The following ADAM12 variants were observed in gnomAD, a reference collection of about 807,000 sequenced individuals.
The protein encoded by ADAM12 is ADAM metallopeptidase domain 12, also known as disintegrin and metalloproteinase domain-containing protein 12.
In ADAM12, 70 loss-of-function variants were observed where a neutral mutation model predicts 106.4. That is an observed-to-expected ratio of 0.66 (90% CI 0.54 to 0.80). ADAM12 has a LOEUF of 0.80. ADAM12 is among the 30% of genes least tolerant of loss of function. The pLI, the probability that ADAM12 is intolerant of heterozygous loss-of-function variation, is 0.00. For missense variants in ADAM12, 1,010 were observed against 1,171.9 expected (o/e 0.86, Z 2.02); for synonymous variants, 420 against 433.5 (o/e 0.97, Z 0.39).
chr10:126,081,558 G>T (rs1278340), intron 11 of ADAM12, among the ~76,000 whole-genome samples: 1 of 152,030 alleles, frequency 6.6e-6, no homozygotes, highest in Admixed American at 6.6e-5. Context: ...GCCACAGATT[G>T]GGCAGACCCA....
chr10:126,169,290 T>C (rs1045304658), intron 3 of ADAM12, among the ~76,000 whole-genome samples: 3 of 152,218 alleles, frequency 2.0e-5, no homozygotes, highest in African/African-American at 4.8e-5. Context: ...CCTTCCTAAA[T>C]GCGGTTCTCC....
rs531226097 is a variant in ADAM12 at position 126,083,289 on chromosome 10, G to A, written c.1145+10696C>T. On this transcript the variant is annotated intron_variant, in intron 11 of 22. Transcript: ENST00000448723. ...GTGCAGGCAGCTTGGGTTCCTTGCC[G>A]GGACCCTGCAGTTCCTGCGTGGAGA... 3.3e-5 allele frequency among the ~76,000 whole-genome samples: 5 copies of A among 152,300 alleles called. No individual in the cohort carries two copies. In the South Asian group the frequency reaches 8.3e-4, roughly 25 times the overall value.
intron 4 of ADAM12, among the ~76,000 whole-genome samples, chr10:126,154,002 C>G (rs544573246): frequency 6.6e-6 from 1 of 152,364 alleles, no homozygotes; most frequent in East Asian, 1.9e-4. Flanking sequence ...TTCCTCCCAG[C>G]CCCCATCCCT....
chr10:126,358,830 T>C (rs551348324), intron 1 of ADAM12, among the ~76,000 whole-genome samples: 35 of 152,312 alleles, frequency 2.3e-4, no homozygotes, highest in African/African-American at 5.5e-4. Context: ...AAAAAATCAG[T>C]AGCATTTCTA....
chr10:126,152,918 T>A (rs1956754266), intron 4 of ADAM12, among the ~76,000 whole-genome samples: 3 of 152,204 alleles, frequency 2.0e-5, no homozygotes, highest in Admixed American at 2.0e-4. Context: ...CCATTTTAAA[T>A]CTATTAGCTC....
chr10:126,335,724 TG>T (rs1854675795), intron 1 of ADAM12, among the ~76,000 whole-genome samples: 1 of 152,102 alleles, frequency 6.6e-6, no homozygotes, highest in Admixed American at 6.5e-5. Flanking sequence ...AAAGTTAAGC[TG>T]AAAAAAGTAA....
At chr10:126,135,717 T>C (rs1223297235) in intron 4 of ADAM12, 57 bp from the exon 5 acceptor site, 16 of 1,457,696 alleles carry the variant, frequency 1.1e-5, no homozygotes, top group East Asian at 2.3e-5. Flanking sequence ...TGCCCACTTA[T>C]AATAAATCAA....
At chr10:126,171,563 C>T (rs1215535453) in intron 3 of ADAM12, among the ~76,000 whole-genome samples, 3 of 152,216 alleles carry the variant, frequency 2.0e-5, no homozygotes, top group African/African-American at 7.2e-5. Flanking sequence ...CTAGAGTTAG[C>T]ACCTTTTCCT....
chr10:126,049,512 T>C lies in ADAM12; in HGVS notation c.1718+49A>G. 6.2e-7 allele frequency: 1 copy of C among 1,613,430 alleles called. No individual in the cohort carries two copies. The highest frequency in any genetic ancestry group is 1.3e-5 in the African/African-American group (1 of 75,020). ...ACCATTTGGAACCAACCCTATGCAA[T>C]GTGGGAAGGTCAGAGCAAAGACTTT... On this transcript the variant is annotated intron_variant, in intron 15 of 22. Transcript: ENST00000448723. The surrounding 1 kb of genome is among the most constrained non-coding windows in gnomAD (Gnocchi z 4.4).
intron 1 of ADAM12, among the ~76,000 whole-genome samples, chr10:126,332,821 C>T (rs1465567760): frequency 6.6e-6 from 1 of 152,200 alleles, no homozygotes; most frequent in African/African-American, 2.4e-5. Context: ...CGAAGCTTTG[C>T]CAAGACCAGG....
chr10:126,050,008 CTGGCTGGCTGGCTGGCTGGCTG>C (rs1954438169), intron 14 of ADAM12, among the ~76,000 whole-genome samples: 1 of 36,526 alleles, frequency 2.7e-5, no homozygotes, highest in African/African-American at 1.3e-4. Flanking sequence ...GGCTGGCTGG[CTGGCTGGCTGGCTGGCTGGCTG>C]GCTGCAGAGA....
chr10:126,041,961 G>C, intron 18 of ADAM12: 3 of 1,429,540 alleles, frequency 2.1e-6, no homozygotes, highest in South Asian at 1.5e-5. Context: ...TTCTGCAGAC[G>C]TGCCTGGTAG....
intron 3 of ADAM12, among the ~76,000 whole-genome samples, chr10:126,170,517 G>A (rs1044296764): frequency 3.3e-5 from 5 of 151,776 alleles, no homozygotes; most frequent in Non-Finnish European, 4.4e-5. Flanking sequence ...TCTTTTCTGC[G>A]AAGGCCCACT....
At chr10:126,071,453 C>T in intron 12 of ADAM12, 24 bp downstream of exon 12, 4 of 1,611,620 alleles carry the variant, frequency 2.5e-6, no homozygotes, top group Non-Finnish European at 3.4e-6. Context: ...CTTCTTGTAT[C>T]CTTGTTCTGG....
At chr10:126,183,595 T>A (rs1170333642) in intron 3 of ADAM12, among the ~76,000 whole-genome samples, 2 of 152,268 alleles carry the variant, frequency 1.3e-5, no homozygotes, top group African/African-American at 4.8e-5. Context: ...AGTCAACATG[T>A]CGTCCGCACT....
intron 1 of ADAM12, among the ~76,000 whole-genome samples, chr10:126,371,551 G>A (rs1416994907): frequency 6.6e-6 from 1 of 152,174 alleles, no homozygotes; most frequent in Non-Finnish European, 1.5e-5. Flanking sequence ...GTCTTAGAGT[G>A]GAACATTTCT....
At chr10:126,127,100 T>C (rs1204208558) in intron 5 of ADAM12, among the ~76,000 whole-genome samples, 1 of 152,146 alleles carries the variant, frequency 6.6e-6, no homozygotes, top group Non-Finnish European at 1.5e-5. Flanking sequence ...TGTCCAACAA[T>C]ATCTGCAAAC....
intron 14 of ADAM12, among the ~76,000 whole-genome samples, chr10:126,051,644 G>C (rs527338063): frequency 6.8e-6 from 1 of 148,078 alleles, no homozygotes; most frequent in African/African-American, 2.5e-5. Context: ...CATCCATCCA[G>C]CCAGCCAGCC....
intron 1 of ADAM12, among the ~76,000 whole-genome samples, chr10:126,338,954 C>A (rs981889188): frequency 1.5e-4 from 23 of 152,164 alleles, no homozygotes; most frequent in African/African-American, 5.3e-4. Flanking sequence ...CACTAAAGCC[C>A]CAGCTCCATG....
Sources: gnomAD v4.1 joint callset for allele counts (sites outside exome capture counted in the v4.1 genomes callset) on GRCh38, gnomAD v4.1.1 for gene constraint, Gnocchi (gnomAD v3.1) non-coding constraint, MANE v1.5 for transcripts, NCBI Gene and HGNC (gene_info 2026-07-23, HGNC 2026-07-21) for gene names.